The following DCDC1 variants were observed in gnomAD, a reference collection of about 807,000 sequenced individuals.
The protein encoded by DCDC1 is doublecortin domain containing 1.
Under a neutral mutation model 178.3 loss-of-function variants are expected in DCDC1, and 200 were observed. That is an observed-to-expected ratio of 1.12 (90% CI 1.00 to 1.26). The LOEUF (loss-of-function observed/expected upper bound fraction) is 1.26. Among genes scored for constraint, DCDC1 ranks in the 50% most tolerant of loss-of-function variants. The probability of loss-of-function intolerance (pLI) is 0.00; values close to 1 mark genes in which losing one functional copy is unlikely to be tolerated. For missense variants in DCDC1, 1,983 were observed against 1,749.2 expected (o/e 1.13, Z -2.38); for synonymous variants, 690 against 604.8 (o/e 1.14, Z -2.07).
intron 3 of DCDC1, among the ~76,000 whole-genome samples, chr11:31,315,465 T>G (rs1949037121): frequency 1.3e-5 from 2 of 151,288 alleles, no homozygotes. Context: ...GCCTCCCGAG[T>G]AGCTGAGACT....
chr11:31,249,992 G>A (rs993712192), intron 8 of DCDC1, among the ~76,000 whole-genome samples: 1 of 151,966 alleles, frequency 6.6e-6, no homozygotes, highest in African/African-American at 2.4e-5. Flanking sequence ...ATTCTTGCAT[G>A]GAGAGAGATT....
Position 30,903,700 on chromosome 11 carries a change from G to T in DCDC1, c.4309-17C>A. 1 of 1,569,322 alleles carries T rather than the reference G, an allele frequency of 6.4e-7. No individual in the cohort carries two copies. The highest frequency in any genetic ancestry group is 8.7e-7 in the Non-Finnish European group (1 of 1,153,896). ...TGTAAGAAGCTAGATAACACAGGCA[G>T]TAAGGATCTGACAGGCAAAGGTGAT... is the stretch of plus-strand genomic sequence containing the variant. On this transcript the variant is annotated splice_polypyrimidine_tract_variant and intron_variant, in intron 31 of 38. Coordinates refer to ENST00000684477, the MANE Select transcript of DCDC1 (RefSeq NM_001387274.1).
chr11:31,003,202 T>A (rs1399091730), intron 20 of DCDC1, among the ~76,000 whole-genome samples: 1 of 152,072 alleles, frequency 6.6e-6, no homozygotes, highest in African/African-American at 2.4e-5. Flanking sequence ...AATTGAATAA[T>A]AAAAATCATT....
chr11:31,077,878 C>T lies in DCDC1; in HGVS notation c.2285G>A (p.Cys762Tyr), dbSNP rs763185774. The T allele has an allele frequency of 2.6e-6, 2 of 766,152 alleles. No individual in the cohort carries two copies. The highest frequency in any genetic ancestry group is 1.3e-5 in the South Asian group (1 of 74,598). 47.5% of individuals were successfully genotyped at this position (766,152 alleles called of 1,614,324 possible). ...TAAAGTCCTTACCTTTGAATAAATG[C>T]AACCATCAGTTCCAAACACCCACTT... ...SQKWVFGTDG[C>Y]IYSKAYPQFV... Residue 762 changes from cysteine to tyrosine, a missense_variant, in exon 18 of 39, where the codon TGC (cysteine) becomes TAC (tyrosine). By Grantham distance (194) the Cys-to-Tyr change is radical (BLOSUM62 -2). Coordinates refer to ENST00000684477, the MANE Select transcript of DCDC1 (RefSeq NM_001387274.1).
intron 3 of DCDC1, among the ~76,000 whole-genome samples, chr11:31,321,470 C>G (rs1370923903): frequency 6.6e-6 from 1 of 152,008 alleles, no homozygotes; most frequent in Non-Finnish European, 1.5e-5. Context: ...CTCCCTGACC[C>G]CTTGCGCTTC....
At chr11:31,279,033 A>T (rs1194490764) in intron 7 of DCDC1, among the ~76,000 whole-genome samples, 1 of 152,142 alleles carries the variant, frequency 6.6e-6, no homozygotes, top group Non-Finnish European at 1.5e-5. Context: ...TGATGACTAT[A>T]TAGATCAATT....
chr11:31,366,325 T>G (rs1951955375), intron 1 of DCDC1, among the ~76,000 whole-genome samples: 1 of 152,226 alleles, frequency 6.6e-6, no homozygotes, highest in Admixed American at 6.5e-5. Context: ...CTATTAGAGC[T>G]ATGTATCATT....
At chr11:31,264,247 G>C (rs1294349400) in intron 8 of DCDC1, among the ~76,000 whole-genome samples, 1 of 152,164 alleles carries the variant, frequency 6.6e-6, no homozygotes, top group South Asian at 2.1e-4. Context: ...ATGTAGGAGA[G>C]TGATATAGGA....
chr11:31,351,976 T>C (rs1009177452), intron 1 of DCDC1, among the ~76,000 whole-genome samples: 1 of 152,166 alleles, frequency 6.6e-6, no homozygotes, highest in Non-Finnish European at 1.5e-5. Context: ...TATGTGAAGC[T>C]TGAAATCTAC....
At position 31,106,779 on chromosome 11, in the gene DCDC1, C is replaced by G. The variant is rs369244942; in HGVS notation, c.1751+18G>C. 8 of 764,202 alleles carry G rather than the reference C, an allele frequency of 1.0e-5. No homozygotes were observed. Among genetic ancestry groups the G allele is most frequent in the Non-Finnish European group, 1.9e-5 (8 of 417,392 alleles). The allele number at this position is 764,202 out of a possible 1,614,324, so 47.3% of individuals were successfully genotyped here. ...CCCTGGAAAGATTGAGGACAGAAAA[C>G]AAACCCCTTGCTCCTACCTGTATGC... is the stretch of plus-strand genomic sequence containing the variant. On this transcript the variant is annotated intron_variant, in intron 13 of 38. Coordinates refer to ENST00000684477, the MANE Select transcript of DCDC1 (RefSeq NM_001387274.1).
chr11:31,001,946 C>A (rs1590719316), intron 20 of DCDC1, among the ~76,000 whole-genome samples: 1 of 152,116 alleles, frequency 6.6e-6, no homozygotes, highest in South Asian at 2.1e-4. Context: ...TTTCCAGTGT[C>A]CTAAATATTG....
At chr11:31,295,930 C>T (rs1947652945) in intron 6 of DCDC1, among the ~76,000 whole-genome samples, 1 of 152,150 alleles carries the variant, frequency 6.6e-6, no homozygotes, top group East Asian at 1.9e-4. Context: ...CTCCTAAAAT[C>T]TGCAAGAACT....
At chr11:31,340,760 C>A (rs1950504162) in intron 1 of DCDC1, among the ~76,000 whole-genome samples, 1 of 152,188 alleles carries the variant, frequency 6.6e-6, no homozygotes, top group Non-Finnish European at 1.5e-5. Context: ...CTCTAAGTCT[C>A]TAGCCTGCCA....
At chr11:31,115,883 G>C (rs1230014061) in intron 11 of DCDC1, among the ~76,000 whole-genome samples, 2 of 150,996 alleles carry the variant, frequency 1.3e-5, no homozygotes, top group Non-Finnish European at 2.9e-5. Flanking sequence ...CCAACCAAAT[G>C]TTGGATGCAG....
At chr11:30,910,869 C>T (rs77336038) in intron 28 of DCDC1, among the ~76,000 whole-genome samples, 2,424 of 152,278 alleles carry the variant, frequency 0.016, 72 homozygotes, top group African/African-American at 0.055. Context: ...GTAGAATTAA[C>T]ATTGAGGATC....
chr11:31,088,418 T>G (rs1275558186), intron 17 of DCDC1, among the ~76,000 whole-genome samples: 1 of 152,110 alleles, frequency 6.6e-6, no homozygotes, highest in Non-Finnish European at 1.5e-5. Flanking sequence ...TAATTATTTT[T>G]AATATTTCAT....
Position 31,102,274 on chromosome 11 carries a change from A to G in DCDC1, c.1886T>C (p.Val629Ala). 1 of 702,858 alleles carries G rather than the reference A, an allele frequency of 1.4e-6. No homozygotes were observed. Among genetic ancestry groups the G allele is most frequent in the East Asian group, 2.5e-5 (1 of 39,608 alleles). 43.5% of individuals were successfully genotyped at this position (702,858 alleles called of 1,614,324 possible). A position where few individuals can be genotyped will look rare whatever the true frequency, so the allele number is the denominator to read the frequency against. Residue 629 changes from valine to alanine, a missense_variant, in exon 15 of 39, where the codon GTT becomes GCT. Coordinates refer to ENST00000684477, the MANE Select transcript of DCDC1 (RefSeq NM_001387274.1). ...GAAATTAATTGGAAATCCCTCACAA[A>G]CTTCCCAACTAAGAAAAGTAAAATA... ...VLLPGCGNWE[V>A]CEGFPINFNC...
intron 38 of DCDC1, among the ~76,000 whole-genome samples, chr11:30,874,872 A>G (rs953864722): frequency 6.6e-6 from 1 of 152,220 alleles, no homozygotes; most frequent in Non-Finnish European, 1.5e-5. Context: ...TGAAGCTTGT[A>G]TCTGCCTGCA....
intron 20 of DCDC1, among the ~76,000 whole-genome samples, chr11:31,014,523 G>A (rs571469610): frequency 1.8e-4 from 27 of 152,184 alleles, no homozygotes; most frequent in African/African-American, 5.3e-4. Context: ...CCTGGATTCC[G>A]GATCCTTAGA....
Sources: allele counts gnomAD v4.1 joint callset (sites outside exome capture counted in the v4.1 genomes callset), GRCh38; gene constraint gnomAD v4.1.1; transcripts MANE v1.5; gene names NCBI Gene and HGNC (gene_info 2026-07-23, HGNC 2026-07-21).